ZNF714: variants seen among roughly 807,000 people sequenced by gnomAD.
ZNF714 encodes the protein zinc finger protein 714.
In ZNF714, 32 loss-of-function variants were observed where a neutral mutation model predicts 46.2. The observed-to-expected ratio is 0.69, with a 90% CI of 0.52 to 0.93. ZNF714 has a LOEUF of 0.93. Ranked by LOEUF, ZNF714 falls within the 40% of genes least tolerant of loss-of-function variation. The pLI is 0.00. For missense variants in ZNF714, 635 were observed against 646.3 expected (o/e 0.98, Z 0.19); for synonymous variants, 199 against 213.1 (o/e 0.93, Z 0.58).
chr19:21,116,999 C>T lies in ZNF714; in HGVS notation c.335C>T (p.Thr112Ile), dbSNP rs764206279. Reference sequence around the variant, plus strand: ...GAACTAAACCAGTGTTTGACAACTACCCAGAGCAAAATATTTCCATGTGAT... The same window carrying T: ...GAACTAAACCAGTGTTTGACAACTATCCAGAGCAAAATATTTCCATGTGAT... ...YNELNQCLTT[T>I]QSKIFPCDKY... is the part of the protein sequence containing the mutation. The change falls in exon 5 of 5, where the codon ACC becomes ATC. Residue 112 changes from threonine (T) to isoleucine (I), a missense_variant. Transcript: ENST00000456283. 6.2e-7 allele frequency: 1 copy of T among 1,613,626 alleles called. No homozygotes were observed. The highest frequency in any genetic ancestry group is 2.2e-5 in the East Asian group (1 of 44,820).
chr19:21,083,620 A>G lies in ZNF714; in HGVS notation c.-176-358A>G, dbSNP rs114149338. Among the ~76,000 whole-genome samples the G allele has an allele frequency of 1.3e-3, 191 of 152,292 alleles. 2 individuals carry two copies. Among genetic ancestry groups the G allele is most frequent in the African/African-American group, 4.4e-3 (184 of 41,590 alleles). ...GTCTTTTAGTGTACTTTTGTATACC[A>G]TATTTTAATTAATTATTTTTTGACA... On this transcript the variant is annotated intron_variant, in intron 1 of 4. Transcript: ENST00000456283.
intron 1 of ZNF714, among the ~76,000 whole-genome samples, chr19:21,083,458 G>A (rs1474735264): frequency 6.6e-6 from 1 of 152,072 alleles, no homozygotes; most frequent in Non-Finnish European, 1.5e-5. Context: ...TGTGTCCCAA[G>A]CACTGTCTTA....
chr19:21,098,794 T>C lies in ZNF714; in HGVS notation c.44-18T>C. 1 of 1,577,330 alleles carries C rather than the reference T, an allele frequency of 6.3e-7. No individual in the cohort carries two copies. The highest frequency in any genetic ancestry group is 8.7e-7 in the Non-Finnish European group (1 of 1,153,016). ...TAGAGAATATAAGCAAGATTTATGC[T>C]ATTTACTTTTAATAAAGCAGGTATT... On this transcript the variant is annotated intron_variant, in intron 3 of 4. Transcript: ENST00000456283.
intron 2 of ZNF714, 143 bp from the exon 3 acceptor site, chr19:21,098,042 G>T: frequency 8.0e-7 from 1 of 1,250,140 alleles, no homozygotes; most frequent in Non-Finnish European, 1.1e-6. Context: ...ATATTTCTGT[G>T]TTAAAAATTA....
chr19:21,110,763 A>G (rs1361268718), intron 4 of ZNF714, among the ~76,000 whole-genome samples: 1 of 152,156 alleles, frequency 6.6e-6, no homozygotes, highest in Non-Finnish European at 1.5e-5. Flanking sequence ...TAATTTTTGT[A>G]TAAGTGTAAG....
chr19:21,093,556 G>GT (rs1417954806), intron 2 of ZNF714, among the ~76,000 whole-genome samples: 1 of 151,436 alleles, frequency 6.6e-6, no homozygotes, highest in Non-Finnish European at 1.5e-5. Flanking sequence ...TTGTTTTTTT[G>GT]TTTTTTTATT....
intron 1 of ZNF714, among the ~76,000 whole-genome samples, chr19:21,082,657 G>C (rs1408028014): frequency 6.6e-6 from 1 of 151,992 alleles, no homozygotes; most frequent in Admixed American, 6.5e-5. Flanking sequence ...GAGGGTCCCA[G>C]GGGTAGAATC....
At chr19:21,111,209 TTCTG>T (rs773503704) in intron 4 of ZNF714, among the ~76,000 whole-genome samples, 1 of 151,490 alleles carries the variant, frequency 6.6e-6, no homozygotes, top group African/African-American at 2.4e-5. Context: ...TATTGATTCT[TTCTG>T]TCTTTTTGTT....
Position 21,124,640 on chromosome 19 carries a change from A to C in ZNF714, c.*6308A>C. 6.6e-6 allele frequency among the ~76,000 whole-genome samples: 1 copy of C among 152,212 alleles called. No homozygotes were observed. Among genetic ancestry groups the C allele is most frequent in the Admixed American group, 6.5e-5 (1 of 15,274 alleles). ...AGACCACGTCTTATCATTTTTCAAAAATCCAAATACATTATTATGAACTAT... is the reference window on the plus strand; with the variant it reads ...AGACCACGTCTTATCATTTTTCAAACATCCAAATACATTATTATGAACTAT... On this transcript the variant is annotated 3_prime_UTR_variant, in exon 5 of 5. Transcript: ENST00000456283.
chr19:21,089,970 C>T (rs1188871265), intron 2 of ZNF714, among the ~76,000 whole-genome samples: 1 of 152,234 alleles, frequency 6.6e-6, no homozygotes, highest in Non-Finnish European at 1.5e-5. Flanking sequence ...GCTGGCTGCA[C>T]CACAGCCCTG....
intron 4 of ZNF714, among the ~76,000 whole-genome samples, chr19:21,101,194 A>G (rs992888749): frequency 6.6e-6 from 1 of 152,184 alleles, no homozygotes; most frequent in Non-Finnish European, 1.5e-5. Flanking sequence ...TGGGCACAAT[A>G]TAGTTTTATA....
chr19:21,104,046 G>A (rs914424325), intron 4 of ZNF714, among the ~76,000 whole-genome samples: 24 of 150,972 alleles, frequency 1.6e-4, no homozygotes, highest in African/African-American at 4.7e-4. Flanking sequence ...GACAAACACC[G>A]TTCCACTTTG....
In ZNF714 at chr19:21,121,864, T is replaced by A. The variant is rs1026234985; in HGVS notation, c.*3532T>A. Reference sequence around the variant, plus strand: ...CCATACTTTTTTTGTTTCTTACATTTTTTTTGTTTTATGGTTTAGGAAGTA... The same window carrying A: ...CCATACTTTTTTTGTTTCTTACATTATTTTTGTTTTATGGTTTAGGAAGTA... On this transcript the variant is annotated 3_prime_UTR_variant, in exon 5 of 5. Transcript: ENST00000456283. The A allele has an allele frequency of 6.6e-6, 1 of 152,226 alleles. No homozygotes were observed. 9.4% of individuals were successfully genotyped at this position (152,226 alleles called of 1,614,324 possible). A position where few individuals can be genotyped will look rare whatever the true frequency, so the allele number is the denominator to read the frequency against.
At chr19:21,103,291 C>T (rs140769555) in intron 4 of ZNF714, among the ~76,000 whole-genome samples, 5 of 152,148 alleles carry the variant, frequency 3.3e-5, no homozygotes, top group South Asian at 2.1e-4. Context: ...CGGTGGCTCA[C>T]GCCTGTAATC....
At position 21,107,760 on chromosome 19, in the gene ZNF714, C is replaced by G. The variant is rs564198511; in HGVS notation, c.142+8850C>G. 8.5e-5 allele frequency among the ~76,000 whole-genome samples: 13 copies of G among 152,246 alleles called. No individual in the cohort carries two copies. The South Asian group carries it at 2.7e-3, about 32-fold the overall frequency. On this transcript the variant is annotated intron_variant, in intron 4 of 4. Coordinates refer to ENST00000456283, the MANE Select transcript of ZNF714 (RefSeq NM_182515.4). ...CTAGTTTTGAACCTCTGAGCTCAAGCAATCTTCCTGCCCAGCCTTCCTAAA... is the reference window on the plus strand; with the variant it reads ...CTAGTTTTGAACCTCTGAGCTCAAGGAATCTTCCTGCCCAGCCTTCCTAAA...
At chr19:21,097,956 T>A (rs1042658578) in intron 2 of ZNF714, among the ~76,000 whole-genome samples, 4 of 152,224 alleles carry the variant, frequency 2.6e-5, no homozygotes. Context: ...TTCTTTATCA[T>A]CCAGAAAAGT....
intron 2 of ZNF714, among the ~76,000 whole-genome samples, chr19:21,086,749 C>T (rs1968789615): frequency 6.6e-6 from 1 of 152,128 alleles, no homozygotes; most frequent in African/African-American, 2.4e-5. Flanking sequence ...TTATCCAGCC[C>T]CTATTCAAAA....
chr19:21,118,993 A>G lies in ZNF714; in HGVS notation c.*661A>G. On this transcript the variant is annotated 3_prime_UTR_variant, in exon 5 of 5. Coordinates refer to ENST00000456283, the MANE Select transcript of ZNF714 (RefSeq NM_182515.4). ...AGGAAAGCATTTGTACTTGAGATAA[A>G]TTATACAAATATAAAGACTGAAAAA... 1 of 336,376 alleles carries G rather than the reference A, an allele frequency of 3.0e-6. No homozygotes were observed. The highest frequency in any genetic ancestry group is 2.2e-5 in the South Asian group (1 of 45,946). The allele number at this position is 336,376 out of a possible 1,614,324, so 20.8% of individuals were successfully genotyped here.
Position 21,118,313 on chromosome 19 carries a change from G to T in ZNF714, c.1649G>T (p.Cys550Phe), listed in dbSNP as rs1275882733. ...SLLKIQKFAG[C>F]GGRRL is the part of the protein sequence containing the mutation. Reference sequence around the variant, plus strand: ...CTAAAAATACAAAAATTTGCTGGGTGTGGTGGCAGGCGCCTGTAATCCCAG... The same window carrying T: ...CTAAAAATACAAAAATTTGCTGGGTTTGGTGGCAGGCGCCTGTAATCCCAG... The change falls in exon 5 of 5, where the codon TGT (cysteine) becomes TTT (phenylalanine). Residue 550 changes from cysteine to phenylalanine, a missense_variant. Physicochemically the swap from Cys to Phe is radical, Grantham distance 205. Transcript: ENST00000456283. The T allele has an allele frequency of 7.5e-6, 7 of 938,492 alleles. No homozygotes were observed. Among genetic ancestry groups the T allele is most frequent in the Non-Finnish European group, 1.1e-5 (7 of 633,964 alleles). 58.1% of individuals were successfully genotyped at this position (938,492 alleles called of 1,614,324 possible). A position where few individuals can be genotyped will look rare whatever the true frequency, so the allele number is the denominator to read the frequency against.
Sources: gnomAD v4.1 joint callset for allele counts (sites outside exome capture counted in the v4.1 genomes callset) on GRCh38, gnomAD v4.1.1 for gene constraint, MANE v1.5 for transcripts, NCBI Gene and HGNC (gene_info 2026-07-23, HGNC 2026-07-21) for gene names.